Variants in OTOG observed in about 807,000 individuals in gnomAD.
OTOG encodes otogelin.
A neutral mutation model predicts 313.8 loss-of-function variants in OTOG; 296 were observed. The ratio of observed to expected loss-of-function variants is 0.94; its 90% CI spans 0.86 to 1.04. The LOEUF (loss-of-function observed/expected upper bound fraction) is 1.04. Ranked by LOEUF, OTOG falls within the 50% of genes least tolerant of loss-of-function variation. The probability of loss-of-function intolerance (pLI) is 0.00; values close to 1 mark genes in which losing one functional copy is unlikely to be tolerated. For synonymous variants in OTOG, 1,533 were observed against 1,554.9 expected (o/e 0.99, Z 0.33); for missense variants, 3,948 against 3,840.1 (o/e 1.03, Z -0.74).
chr11:17,609,872 C>T lies in OTOG; in HGVS notation c.4572C>T (p.Gly1524=). ...CTGAGGAGCCAGTGGTGTCTCCAGG[C>T]CCCACCCAGACCACCCTGCAGCAGC... is the stretch of plus-strand genomic sequence containing the variant. The part of the protein sequence containing the change: ...TATEEPVVSP[G]PTQTTLQQPL... The change falls in exon 36 of 56, where the codon GGC becomes GGT. Residue 1524 remains glycine, a synonymous_variant. Transcript: ENST00000399397. 6.6e-7 allele frequency: 1 copy of T among 1,516,088 alleles called. No homozygotes were observed. The highest frequency in any genetic ancestry group is 8.9e-7 in the Non-Finnish European group (1 of 1,126,756). 93.9% of individuals were successfully genotyped at this position (1,516,088 alleles called of 1,614,324 possible). A position where few individuals can be genotyped will look rare whatever the true frequency, so the allele number is the denominator to read the frequency against.
intron 40 of OTOG, 61 bp from the exon 41 acceptor site, chr11:17,631,641 G>C (rs1854128415): frequency 1.5e-6 from 2 of 1,351,280 alleles, no homozygotes; most frequent in South Asian, 2.6e-5. Context: ...AAAAGTGAGA[G>C]CTGACGACAT....
chr11:17,620,127 A>G (rs1853828225), intron 39 of OTOG, among the ~76,000 whole-genome samples: 1 of 152,200 alleles, frequency 6.6e-6, no homozygotes, highest in Non-Finnish European at 1.5e-5. Context: ...TTTTAAAGTG[A>G]ACAATTCAAT....
intron 15 of OTOG, among the ~76,000 whole-genome samples, chr11:17,567,722 G>A (rs1340470870): frequency 2.6e-5 from 4 of 152,078 alleles, no homozygotes; most frequent in East Asian, 1.9e-4. Context: ...TGCATTAAAC[G>A]ACTTCCTGTA....
At position 17,573,173 on chromosome 11, in the gene OTOG, C is replaced by G; in HGVS notation, c.2176C>G (p.Arg726Gly). 6.5e-7 allele frequency: 1 copy of G among 1,542,404 alleles called. No homozygotes were observed. The highest frequency in any genetic ancestry group is 8.7e-7 in the Non-Finnish European group (1 of 1,146,882). The change falls in exon 19 of 56, where the codon CGC becomes GGC. Residue 726 changes from arginine (R) to glycine (G), a missense_variant. Coordinates refer to ENST00000399397, the MANE Select transcript of OTOG (RefSeq NM_001292063.2). The stretch of plus-strand genomic sequence containing the variant: ...CCCCGTGCCCTACTTTGAGCAGTGC[C>G]GCAGGGATGCCTGCCGCTGCGGGCA... ...LSPVPYFEQC[R>G]RDACRCGQPC... is the part of the protein sequence containing the mutation.
chr11:17,559,107 T>TGTGCCCAGGCAG lies in OTOG; in HGVS notation c.1161_1172dup (p.Ala388_Gly391dup). 6.5e-7 allele frequency: 1 copy of TGTGCCCAGGCAG among 1,545,342 alleles called. No homozygotes were observed. The highest frequency in any genetic ancestry group is 2.4e-5 in the East Asian group (1 of 40,904). On this transcript the variant is annotated inframe_insertion, in exon 11 of 56. Coordinates refer to ENST00000399397, the MANE Select transcript of OTOG (RefSeq NM_001292063.2). ...GGCACTGGCGGAGTATGCCCGGGCG[T>TGTGCCCAGGCAG]GTGCCCAGGCAGGGCGGCCCTTGCA...
rs1027563057 is a variant in OTOG, at chr11:17,609,625, C to G, written c.4355-30C>G. 3.1e-5 allele frequency: 45 copies of G among 1,460,996 alleles called. No individual in the cohort carries two copies. The South Asian group carries it at 3.4e-4, about 11-fold the overall frequency. 90.5% of individuals were successfully genotyped at this position (1,460,996 alleles called of 1,614,324 possible). A position where few individuals can be genotyped will look rare whatever the true frequency, so the allele number is the denominator to read the frequency against. On this transcript the variant is annotated intron_variant, in intron 35 of 55. Transcript: ENST00000399397. ...GACCCCCGGGGCAGCAGTCACCCCGCCTTCTGAACCTCTTCTTTTGTCTCC... is the reference window on the plus strand; with the variant it reads ...GACCCCCGGGGCAGCAGTCACCCCGGCTTCTGAACCTCTTCTTTTGTCTCC...
At chr11:17,566,129 C>T (rs1010065657) in intron 15 of OTOG, among the ~76,000 whole-genome samples, 5 of 152,018 alleles carry the variant, frequency 3.3e-5, no homozygotes, top group Non-Finnish European at 7.4e-5. Flanking sequence ...ATCTGTGTTC[C>T]AGCACCCCAC....
chr11:17,613,786 C>A, intron 39 of OTOG, 85 bp downstream of exon 39: 2 of 1,107,034 alleles, frequency 1.8e-6, no homozygotes, highest in Non-Finnish European at 2.7e-6. Flanking sequence ...GGCTGTGAGG[C>A]TGAATCATGA....
chr11:17,590,433 T>C (rs1417743476), intron 24 of OTOG, among the ~76,000 whole-genome samples: 1 of 152,168 alleles, frequency 6.6e-6, no homozygotes, highest in Non-Finnish European at 1.5e-5. Context: ...TCAAAATACA[T>C]CCAGAATCTG....
intron 15 of OTOG, among the ~76,000 whole-genome samples, chr11:17,563,176 G>A (rs1178052289): frequency 4.6e-5 from 7 of 152,204 alleles, no homozygotes; most frequent in Non-Finnish European, 8.8e-5. Flanking sequence ...GGGTTTGTTT[G>A]TCTCTCAGCG....
rs776163972 is a variant in OTOG at position 17,613,617 on chromosome 11, C to T, written c.6444C>T (p.His2148=). 8.7e-5 allele frequency: 135 copies of T among 1,550,496 alleles called. No homozygotes were observed. Among genetic ancestry groups the T allele is most frequent in the Non-Finnish European group, 1.1e-4 (128 of 1,147,016 alleles). ...GGGCTGGGTTCTCTCTGCAGGGGCACCTGAACTGGCCCCCGTTCTGTCTGG... is the reference window on the plus strand; with the variant it reads ...GGGCTGGGTTCTCTCTGCAGGGGCATCTGAACTGGCCCCCGTTCTGTCTGG... ...VLDCKSANLG[H]LNWPPFCLVM... is the part of the protein sequence containing the mutation. The change falls in exon 39 of 56, where the codon CAC becomes CAT. Residue 2148 remains histidine, a synonymous_variant. Transcript: ENST00000399397.
At chr11:17,599,847 C>T in intron 31 of OTOG, 150 bp downstream of exon 31, 2 of 935,178 alleles carry the variant, frequency 2.1e-6, no homozygotes, top group South Asian at 3.1e-5. Context: ...CAGAGAGAGC[C>T]CTGACAGTGA....
At chr11:17,588,195 T>A (rs1310406140) in intron 24 of OTOG, among the ~76,000 whole-genome samples, 3 of 152,210 alleles carry the variant, frequency 2.0e-5, no homozygotes, top group African/African-American at 7.2e-5. Flanking sequence ...GGCAAGTTTT[T>A]ACTTTTTAAC....
intron 24 of OTOG, among the ~76,000 whole-genome samples, chr11:17,588,061 G>T (rs1035400045): frequency 6.6e-6 from 1 of 152,200 alleles, no homozygotes; most frequent in Non-Finnish European, 1.5e-5. Flanking sequence ...TGGAGCCAAG[G>T]CCGAAGAGCT....
intron 40 of OTOG, 99 bp downstream of exon 40, chr11:17,629,415 AC>A: frequency 7.5e-7 from 1 of 1,327,918 alleles, no homozygotes; most frequent in Non-Finnish European, 1.0e-6. Flanking sequence ...GGGACAGAAT[AC>A]CAGGCCAGAG....
rs116006748 is a variant in OTOG at position 17,572,361 on chromosome 11, T to G, written c.2080+157T>G. Among the ~76,000 whole-genome samples the G allele has an allele frequency of 0.022, 3,279 of 152,282 alleles. 94 individuals carry two copies. The highest frequency in any genetic ancestry group is 0.089 in the East Asian group (459 of 5,182). ...AGCAGGGAGGGGAAAGGAGAGACAG[T>G]GAGGGCCAGGCAGGCAGGAAGCCTC... On this transcript the variant is annotated intron_variant, in intron 18 of 55. Coordinates refer to ENST00000399397, the MANE Select transcript of OTOG (RefSeq NM_001292063.2).
rs1346888493 is a variant in OTOG, at chr11:17,558,375, G to A, written c.996+60G>A. On this transcript the variant is annotated intron_variant, in intron 9 of 55. Transcript: ENST00000399397. ...AGCCTGACTTGCTATCCAACTCTTC[G>A]AAAGCCACTGGCTGTGGCACCCCAG... 3.1e-5 allele frequency: 48 copies of A among 1,539,812 alleles called. No individual in the cohort carries two copies. In the Admixed American group the frequency reaches 5.3e-4, roughly 17 times the overall value.
At chr11:17,634,978 G>GT in intron 45 of OTOG, 30 bp downstream of exon 45, 1 of 1,384,950 alleles carries the variant, frequency 7.2e-7, no homozygotes, top group Non-Finnish European at 9.9e-7. Flanking sequence ...GAGGGTGGGG[G>GT]ACGGACTGAG....
At chr11:17,643,584 C>A (rs1848016946) in intron 54 of OTOG, 78 bp downstream of exon 54, 2 of 1,126,864 alleles carry the variant, frequency 1.8e-6, no homozygotes, top group Middle Eastern at 2.3e-4. Context: ...GACAGAGGAC[C>A]AGGTTCCTGG....
Sources: allele counts gnomAD v4.1 joint callset (sites outside exome capture counted in the v4.1 genomes callset), GRCh38; gene constraint gnomAD v4.1.1; transcripts MANE v1.5; gene names NCBI Gene and HGNC (gene_info 2026-07-23, HGNC 2026-07-21).